The following TCF7L2 variants were observed in gnomAD, a reference collection of about 807,000 sequenced individuals.
The protein encoded by TCF7L2 is transcription factor 7 like 2, also known as transcription factor 7-like 2.
A neutral mutation model predicts 77.9 loss-of-function variants in TCF7L2; 23 were observed. The observed-to-expected ratio is 0.30, with a 90% CI of 0.21 to 0.42. TCF7L2 has a LOEUF of 0.42. Ranked by LOEUF, TCF7L2 falls within the 10% of genes least tolerant of loss-of-function variation. TCF7L2 has a pLI of 1.00. For missense variants in TCF7L2, 654 were observed against 793.1 expected, an observed-to-expected ratio of 0.82 and a Z score of 2.11; for synonymous variants, 413 against 340.2, an observed-to-expected ratio of 1.21 and a Z score of -2.36.
chr10:113,136,184 C>T (rs1420322689), intron 5 of TCF7L2, among the ~76,000 whole-genome samples: 2 of 152,092 alleles, frequency 1.3e-5, no homozygotes, highest in Non-Finnish European at 1.5e-5. Context: ...TGAGGATTTC[C>T]TAGAATAAAG....
At chr10:113,009,673 G>T (rs1374320387) in intron 4 of TCF7L2, among the ~76,000 whole-genome samples, 1 of 152,210 alleles carries the variant, frequency 6.6e-6, no homozygotes, top group Non-Finnish European at 1.5e-5. Flanking sequence ...TGACGTCCCT[G>T]AGATGGGCTT....
chr10:113,036,640 G>A (rs1262845957), intron 4 of TCF7L2, among the ~76,000 whole-genome samples: 1 of 151,268 alleles, frequency 6.6e-6, no homozygotes, highest in Non-Finnish European at 1.5e-5. Flanking sequence ...TTCAACAAAG[G>A]ATGAAATGCT....
Position 113,060,636 on chromosome 10 carries a change from A to G in TCF7L2, c.552+20510A>G, listed in dbSNP as rs143216686. Among the ~76,000 whole-genome samples, 450 of 152,166 alleles carry G rather than the reference A, an allele frequency of 3.0e-3. 4 individuals carry two copies. The highest frequency in any genetic ancestry group is 0.017 in the Middle Eastern group (5 of 294). ...AGTCAGGAAGTCACTTCCTTAACCC[A>G]AATTACAAGCTAGAGCACAACTCCC... On this transcript the variant is annotated intron_variant, in intron 5 of 13. Coordinates refer to ENST00000627217, the MANE Select transcript of TCF7L2 (RefSeq NM_001146274.2).
At chr10:113,157,914 A>T in intron 11 of TCF7L2, 107 bp from the exon 12 acceptor site, 1 of 1,166,442 alleles carries the variant, frequency 8.6e-7, no homozygotes, top group Non-Finnish European at 1.2e-6. Context: ...GTGGATGGAG[A>T]TGGCAGTATG....
chr10:112,968,903 G>C lies in TCF7L2; in HGVS notation c.450+4279G>C, dbSNP rs572062299. Among the ~76,000 whole-genome samples, 135 of 152,190 alleles carry C rather than the reference G, an allele frequency of 8.9e-4. 1 individual carries two copies. The highest frequency in any genetic ancestry group is 1.7e-3 in the Non-Finnish European group (117 of 68,012). ...TATACTCGGCTTTTCAGCTGTGTGG[G>C]GGTTCGGTGTCCCTGGCCTGGGGGT... is the stretch of plus-strand genomic sequence containing the variant. On this transcript the variant is annotated intron_variant, in intron 4 of 13. Transcript: ENST00000627217.
intron 4 of TCF7L2, among the ~76,000 whole-genome samples, chr10:113,002,626 A>G (rs1310763623): frequency 1.3e-5 from 2 of 152,118 alleles, no homozygotes. Flanking sequence ...ATGCTTATCT[A>G]TGCCCCAGTC....
intron 5 of TCF7L2, 53 bp downstream of exon 5, chr10:113,040,179 A>G: frequency 6.5e-7 from 1 of 1,536,558 alleles, no homozygotes; most frequent in Non-Finnish European, 8.9e-7. Flanking sequence ...GTGAAAAAGA[A>G]AATGCTTTTT....
At chr10:113,116,985 G>A (rs562074407) in intron 5 of TCF7L2, among the ~76,000 whole-genome samples, 2 of 152,280 alleles carry the variant, frequency 1.3e-5, no homozygotes, top group Non-Finnish European at 2.9e-5. Context: ...TGTACAACAT[G>A]TTCATTGCAG....
chr10:112,988,343 C>T (rs576816078), intron 4 of TCF7L2, among the ~76,000 whole-genome samples: 79 of 152,320 alleles, frequency 5.2e-4, no homozygotes, highest in Non-Finnish European at 7.9e-4. Context: ...AGGTGATCCA[C>T]CCGCCTTAGC....
rs537386908 is a variant in TCF7L2, at chr10:113,130,399, A to G, written c.553-10785A>G. Reference sequence around the variant, plus strand: ...CAGAAAAGAGAGAAGGAAAAATGACATTGCCTCATAGAGGAGCATACTTTA... The same window carrying G: ...CAGAAAAGAGAGAAGGAAAAATGACGTTGCCTCATAGAGGAGCATACTTTA... On this transcript the variant is annotated intron_variant, in intron 5 of 13. Coordinates refer to ENST00000627217, the MANE Select transcript of TCF7L2 (RefSeq NM_001146274.2). 2.6e-5 allele frequency among the ~76,000 whole-genome samples: 4 copies of G among 152,346 alleles called. No individual in the cohort carries two copies. In the South Asian group the frequency reaches 8.3e-4, roughly 32 times the overall value.
chr10:113,155,783 G>C (rs1031751060), intron 11 of TCF7L2, among the ~76,000 whole-genome samples: 4 of 152,208 alleles, frequency 2.6e-5, no homozygotes, highest in African/African-American at 9.6e-5. Context: ...CCTGTTCCAG[G>C]ATAGCCAGGT....
chr10:113,075,374 G>T (rs894680990), intron 5 of TCF7L2, among the ~76,000 whole-genome samples: 2 of 151,706 alleles, frequency 1.3e-5, no homozygotes, highest in Non-Finnish European at 1.5e-5. Context: ...CAGGAGAATC[G>T]CTTGAACCTG....
chr10:113,085,140 C>T (rs1164880160), intron 5 of TCF7L2, among the ~76,000 whole-genome samples: 1 of 151,950 alleles, frequency 6.6e-6, no homozygotes, highest in Non-Finnish European at 1.5e-5. Flanking sequence ...AATCATGGCT[C>T]ACTGCAGCCT....
At chr10:113,117,391 CT>C in intron 5 of TCF7L2, among the ~76,000 whole-genome samples, 1 of 19,224 alleles carries the variant, frequency 5.2e-5, no homozygotes. Context: ...CTCTCTCTCT[CT>C]CTCTCTCTCT....
intron 5 of TCF7L2, among the ~76,000 whole-genome samples, chr10:113,111,684 C>T (rs2063149175): frequency 6.6e-6 from 1 of 151,846 alleles, no homozygotes; most frequent in Non-Finnish European, 1.5e-5. Context: ...CTCAGCCACT[C>T]GGGAGGCTGA....
chr10:113,154,075 C>T (rs764746141), intron 11 of TCF7L2, among the ~76,000 whole-genome samples: 3 of 152,168 alleles, frequency 2.0e-5, no homozygotes, highest in East Asian at 1.9e-4. Flanking sequence ...CCCTTGTCGC[C>T]GACAGATGGG....
At chr10:113,052,049 A>T (rs890819110) in intron 5 of TCF7L2, among the ~76,000 whole-genome samples, 1 of 152,226 alleles carries the variant, frequency 6.6e-6, no homozygotes, top group Non-Finnish European at 1.5e-5. Flanking sequence ...ATTGGTGGCA[A>T]GCTGAGCATA....
intron 4 of TCF7L2, among the ~76,000 whole-genome samples, chr10:113,018,444 CTTT>C (rs35916053): frequency 7.6e-5 from 7 of 92,542 alleles, no homozygotes; most frequent in Non-Finnish European, 1.2e-4. Flanking sequence ...CTCCTGAGTC[CTTT>C]TTTTTTTTTT....
chr10:113,073,733 C>A (rs186528377), intron 5 of TCF7L2, among the ~76,000 whole-genome samples: 1 of 151,880 alleles, frequency 6.6e-6, no homozygotes, highest in African/African-American at 2.4e-5. Flanking sequence ...TTCTTGGCTC[C>A]GCCCTGCAGA....
Sources: allele counts gnomAD v4.1 joint callset (sites outside exome capture counted in the v4.1 genomes callset), GRCh38; gene constraint gnomAD v4.1.1; transcripts MANE v1.5; gene names NCBI Gene and HGNC (gene_info 2026-07-23, HGNC 2026-07-21).